SKAP1: variants seen among roughly 807,000 people sequenced by gnomAD.
SKAP1 encodes the protein src kinase-associated phosphoprotein 1.
A neutral mutation model predicts 58.5 loss-of-function variants in SKAP1; 44 were observed. That is an observed-to-expected ratio of 0.75 (90% CI 0.59 to 0.97). The LOEUF (loss-of-function observed/expected upper bound fraction) is 0.97, where lower values mean the gene tolerates loss of function less well. Among genes scored for constraint, SKAP1 ranks in the 50% least tolerant of loss-of-function variants. The pLI is 0.00. For synonymous variants in SKAP1, 127 were observed against 149.7 expected, an observed-to-expected ratio of 0.85 and a Z score of 1.11; for missense variants, 390 against 435.2, an observed-to-expected ratio of 0.90 and a Z score of 0.92.
chr17:48,355,072 T>C (rs2066857692), intron 3 of SKAP1, among the ~76,000 whole-genome samples: 1 of 152,182 alleles, frequency 6.6e-6, no homozygotes, highest in Non-Finnish European at 1.5e-5. Context: ...TAAGTTGTTT[T>C]TTTCCTCAAC....
intron 4 of SKAP1, among the ~76,000 whole-genome samples, chr17:48,207,612 T>C (rs2064825484): frequency 6.6e-6 from 1 of 152,218 alleles, no homozygotes; most frequent in Non-Finnish European, 1.5e-5. Flanking sequence ...TCTAATATTG[T>C]ACTTTATACC....
At position 48,207,525 on chromosome 17, in the gene SKAP1, A is replaced by G. The variant is rs368153950; in HGVS notation, c.281-18025T>C. Among the ~76,000 whole-genome samples the G allele has an allele frequency of 1.1e-4, 16 of 151,760 alleles. No homozygotes were observed. The East Asian group carries it at 2.1e-3, about 20-fold the overall frequency. On this transcript the variant is annotated intron_variant, in intron 4 of 12. Coordinates refer to ENST00000336915, the MANE Select transcript of SKAP1 (RefSeq NM_003726.4). ...AAAGAAAAAAAATTTACATAAAGTT[A>G]TATTTGAATTAGATATTGTCTTAAG... is the stretch of plus-strand genomic sequence containing the variant.
At chr17:48,363,713 T>C in intron 3 of SKAP1, 76 bp downstream of exon 3, 1 of 1,284,434 alleles carries the variant, frequency 7.8e-7, no homozygotes, top group Non-Finnish European at 1.1e-6. Flanking sequence ...GAGAAGCTTG[T>C]AGAGAAGAGA....
chr17:48,347,108 C>T (rs1360396829), intron 3 of SKAP1, among the ~76,000 whole-genome samples: 3 of 152,146 alleles, frequency 2.0e-5, no homozygotes, highest in African/African-American at 7.2e-5. Context: ...GATGTTAGCT[C>T]ATTCAGAAAC....
At chr17:48,429,568 G>A (rs1407429704) in intron 1 of SKAP1, among the ~76,000 whole-genome samples, 6 of 152,126 alleles carry the variant, frequency 3.9e-5, no homozygotes, top group Non-Finnish European at 7.4e-5. Context: ...TGGGGTTTTC[G>A]CACTGACAAA....
chr17:48,187,816 G>A (rs780360875), intron 6 of SKAP1, 27 bp downstream of exon 6: 2 of 1,508,158 alleles, frequency 1.3e-6, no homozygotes, highest in East Asian at 4.5e-5. Flanking sequence ...GGAGTGAGAT[G>A]CTGCTGTGTA....
chr17:48,376,849 T>C lies in SKAP1; in HGVS notation c.153-13035A>G, dbSNP rs550960683. On this transcript the variant is annotated intron_variant, in intron 2 of 12. Coordinates refer to ENST00000336915, the MANE Select transcript of SKAP1 (RefSeq NM_003726.4). ...TAAAAACTGGGACCAGAAGAACCCA[T>C]GTCTGACTAATGCCAGAATGTCTTA... 9.2e-5 allele frequency among the ~76,000 whole-genome samples: 14 copies of C among 152,232 alleles called. No homozygotes were observed. In the South Asian group the frequency reaches 1.9e-3, roughly 20 times the overall value.
At chr17:48,224,032 G>GAGAGA (rs1567827352) in intron 4 of SKAP1, among the ~76,000 whole-genome samples, 1 of 102,212 alleles carries the variant, frequency 9.8e-6, no homozygotes, top group Non-Finnish European at 1.9e-5. Context: ...GAGAGAGAGA[G>GAGAGA]AGAAGAAGGA....
intron 6 of SKAP1, among the ~76,000 whole-genome samples, chr17:48,186,522 G>A (rs2064455090): frequency 6.6e-6 from 1 of 152,030 alleles, no homozygotes. Flanking sequence ...GTCTCGCTCT[G>A]TTGCCCAGGG....
chr17:48,157,895 T>C (rs1370506815), intron 11 of SKAP1, among the ~76,000 whole-genome samples: 2 of 149,294 alleles, frequency 1.3e-5, no homozygotes, highest in Non-Finnish European at 3.0e-5. Context: ...TGAAAAGGGA[T>C]AGCCGGACAT....
chr17:48,435,026 C>T (rs7212325), upstream of SKAP1, among the ~76,000 whole-genome samples: 47,442 of 151,860 alleles, frequency 0.31, 7,432 homozygotes, highest in East Asian at 0.37. Context: ...TGGCATAAGC[C>T]TGTAGTCCCA....
At chr17:48,190,678 C>A (rs79625029) in intron 4 of SKAP1, among the ~76,000 whole-genome samples, 621 of 152,106 alleles carry the variant, frequency 4.1e-3, no homozygotes, top group Non-Finnish European at 4.7e-3. Context: ...CTGTCAAATC[C>A]TGATTTCTTA....
At chr17:48,383,899 T>G (rs1189499913) in intron 2 of SKAP1, among the ~76,000 whole-genome samples, 4 of 151,874 alleles carry the variant, frequency 2.6e-5, no homozygotes, top group Non-Finnish European at 5.9e-5. Context: ...TTTTTGTATT[T>G]TTTTTTAGCA....
intron 4 of SKAP1, among the ~76,000 whole-genome samples, chr17:48,325,053 C>G (rs1337409189): frequency 6.6e-6 from 1 of 151,978 alleles, no homozygotes; most frequent in Non-Finnish European, 1.5e-5. Context: ...TCGAGACCAT[C>G]CTGGCTAACA....
At chr17:48,171,713 A>G (rs936139117) in intron 9 of SKAP1, among the ~76,000 whole-genome samples, 2 of 148,780 alleles carry the variant, frequency 1.3e-5, no homozygotes, top group African/African-American at 5.0e-5. Flanking sequence ...AGTTTTAAGC[A>G]TTCTAGAGTT....
intron 4 of SKAP1, among the ~76,000 whole-genome samples, chr17:48,222,110 C>T (rs1283030850): frequency 6.6e-6 from 1 of 152,162 alleles, no homozygotes; most frequent in Non-Finnish European, 1.5e-5. Context: ...TTACCACTCT[C>T]TCAGAAATTA....
At chr17:48,232,092 T>A (rs1347810843) in intron 4 of SKAP1, among the ~76,000 whole-genome samples, 1 of 147,204 alleles carries the variant, frequency 6.8e-6, no homozygotes, top group Non-Finnish European at 1.5e-5. Flanking sequence ...AGGTGCCTCT[T>A]AGGAAACACT....
At chr17:48,317,243 T>C (rs1366247165) in intron 4 of SKAP1, among the ~76,000 whole-genome samples, 1 of 152,098 alleles carries the variant, frequency 6.6e-6, no homozygotes, top group East Asian at 1.9e-4. Context: ...TGTATGATAA[T>C]TGAGGAAAAA....
chr17:48,191,555 G>A (rs2064545110), intron 4 of SKAP1, among the ~76,000 whole-genome samples: 2 of 152,284 alleles, frequency 1.3e-5, no homozygotes, highest in South Asian at 4.1e-4. Flanking sequence ...GTGGCTATGA[G>A]CTGGCACTTT....
Sources: gnomAD v4.1 joint callset for allele counts (sites outside exome capture counted in the v4.1 genomes callset) on GRCh38, gnomAD v4.1.1 for gene constraint, MANE v1.5 for transcripts, NCBI Gene and HGNC (gene_info 2026-07-23, HGNC 2026-07-21) for gene names.